EDN1: variants seen among roughly 807,000 people sequenced by gnomAD.
EDN1 encodes endothelin 1.
In EDN1, 11 loss-of-function variants were observed where a neutral mutation model predicts 21.7. The ratio of observed to expected loss-of-function variants is 0.51; its 90% CI spans 0.32 to 0.84. The LOEUF (loss-of-function observed/expected upper bound fraction) is 0.84. EDN1 is among the 40% of genes least tolerant of loss of function. The pLI is 0.03. For synonymous variants in EDN1, 85 were observed against 90.6 expected (o/e 0.94, Z 0.35); for missense variants, 244 against 262.3 (o/e 0.93, Z 0.48).
At chr6:12,281,768 G>A in the EDN1 span, among the ~76,000 whole-genome samples, 3 of 152,170 alleles carry the variant, frequency 2.0e-5, no homozygotes, top group African/African-American at 7.2e-5. Context: ...TACATTAGTG[G>A]ATGGTGGCTT....
the EDN1 span, among the ~76,000 whole-genome samples, chr6:12,242,941 G>A: frequency 1.3e-5 from 2 of 152,254 alleles, no homozygotes; most frequent in Middle Eastern, 6.8e-3. Flanking sequence ...TTAGAATTAT[G>A]CTAGAGTATT....
the EDN1 span, among the ~76,000 whole-genome samples, chr6:12,265,952 C>A: frequency 6.6e-6 from 1 of 152,162 alleles, no homozygotes; most frequent in East Asian, 1.9e-4. Flanking sequence ...CCTTATTTCC[C>A]AATGACTCAG....
the EDN1 span, among the ~76,000 whole-genome samples, chr6:12,284,748 G>GAAGGAAGGAAGAAAGA: frequency 1.3e-5 from 1 of 78,536 alleles, no homozygotes; most frequent in Admixed American, 1.4e-4. Flanking sequence ...AGGAAGGAAG[G>GAAGGAAGGAAGAAAGA]AAGAAAGAAA....
chr6:12,288,558 CTGGGTG>C (rs10478685), upstream of EDN1, among the ~76,000 whole-genome samples: 5 of 152,216 alleles, frequency 3.3e-5, no homozygotes, highest in African/African-American at 7.2e-5. Flanking sequence ...GGAGGCATCT[CTGGGTG>C]TGGGTGTGGG....
chr6:12,290,784 G>C (rs368383270), intron 1 of EDN1, 91 bp downstream of exon 1: 13 of 1,210,714 alleles, frequency 1.1e-5, no homozygotes, highest in South Asian at 8.5e-5. Flanking sequence ...ATTTTTCCCC[G>C]TTCTTTTTAT....
chr6:12,281,172 G>T, the EDN1 span, among the ~76,000 whole-genome samples: 2 of 152,016 alleles, frequency 1.3e-5, no homozygotes, highest in African/African-American at 2.4e-5. Context: ...TTGTGTTTCA[G>T]CTTTTTGACT....
chr6:12,273,993 T>C, the EDN1 span, among the ~76,000 whole-genome samples: 6 of 152,202 alleles, frequency 3.9e-5, no homozygotes, highest in African/African-American at 7.2e-5. Flanking sequence ...ACCCATATAT[T>C]GTACTTGGCT....
chr6:12,273,240 G>C, the EDN1 span, among the ~76,000 whole-genome samples: 1 of 152,202 alleles, frequency 6.6e-6, no homozygotes, highest in Non-Finnish European at 1.5e-5. Context: ...GCAAAGAGAT[G>C]TGTGGAAATG....
the EDN1 span, among the ~76,000 whole-genome samples, chr6:12,257,156 A>G: frequency 3.9e-5 from 6 of 152,228 alleles, no homozygotes; most frequent in South Asian, 1.2e-3. Context: ...TGAGTCTCCA[A>G]GGCCAGATAT....
At chr6:12,232,359 GTT>G in the EDN1 span, among the ~76,000 whole-genome samples, 1 of 148,720 alleles carries the variant, frequency 6.7e-6, no homozygotes, top group Non-Finnish European at 1.5e-5. Context: ...TAGTTATTGG[GTT>G]TTTTTTTCAC....
the EDN1 span, among the ~76,000 whole-genome samples, chr6:12,262,154 G>A: frequency 6.6e-6 from 1 of 152,168 alleles, no homozygotes; most frequent in South Asian, 2.1e-4. Context: ...AAATATTTTT[G>A]GGAAAACCTG....
At chr6:12,278,802 CA>C in the EDN1 span, among the ~76,000 whole-genome samples, 30 of 152,158 alleles carry the variant, frequency 2.0e-4, no homozygotes, top group African/African-American at 7.2e-4. Flanking sequence ...GAGGCTGAGT[CA>C]TGAGAATTGC....
the EDN1 span, among the ~76,000 whole-genome samples, chr6:12,234,003 C>T: frequency 6.6e-6 from 1 of 152,186 alleles, no homozygotes; most frequent in Non-Finnish European, 1.5e-5. Flanking sequence ...CCCTCACATG[C>T]CAAATGCTCC....
At chr6:12,232,839 A>G in the EDN1 span, among the ~76,000 whole-genome samples, 54 of 152,350 alleles carry the variant, frequency 3.5e-4, no homozygotes, top group African/African-American at 1.2e-3. Context: ...CAGCCTTCAC[A>G]TCAATGAGAA....
the EDN1 span, among the ~76,000 whole-genome samples, chr6:12,230,858 G>A: frequency 5.5e-4 from 83 of 152,230 alleles, no homozygotes; most frequent in Middle Eastern, 3.4e-3. Context: ...ATTAAGTAAC[G>A]GGGTCTGTTG....
chr6:12,283,404 G>T, the EDN1 span, among the ~76,000 whole-genome samples: 21 of 152,148 alleles, frequency 1.4e-4, no homozygotes, highest in African/African-American at 4.8e-4. Context: ...TTTCTAAAAC[G>T]CTGTAGGGAA....
chr6:12,270,288 T>C, the EDN1 span, among the ~76,000 whole-genome samples: 1 of 152,090 alleles, frequency 6.6e-6, no homozygotes, highest in Non-Finnish European at 1.5e-5. Context: ...ATTGTTGCTC[T>C]GATCCTTATT....
At chr6:12,244,044 T>C in the EDN1 span, among the ~76,000 whole-genome samples, 3 of 152,142 alleles carry the variant, frequency 2.0e-5, no homozygotes, top group Non-Finnish European at 4.4e-5. Context: ...CAGAATTCAT[T>C]TATCCTCTAA....
chr6:12,255,680 A>T, the EDN1 span, among the ~76,000 whole-genome samples: 3 of 152,244 alleles, frequency 2.0e-5, no homozygotes, highest in Non-Finnish European at 4.4e-5. Context: ...CTAGTCAAGG[A>T]TCATGTGACT....
Sources: gnomAD v4.1 joint callset for allele counts (sites outside exome capture counted in the v4.1 genomes callset) on GRCh38, gnomAD v4.1.1 for gene constraint, MANE v1.5 for transcripts, NCBI Gene and HGNC (gene_info 2026-07-23, HGNC 2026-07-21) for gene names.